Variants in EXOSC9 observed in about 807,000 individuals in gnomAD.
The protein encoded by EXOSC9 is exosome component 9.
In EXOSC9, 38 loss-of-function variants were observed where a neutral mutation model predicts 56.5. That is an observed-to-expected ratio of 0.67 (90% CI 0.52 to 0.88). EXOSC9 has a LOEUF of 0.88. Ranked by LOEUF, EXOSC9 falls within the 40% of genes least tolerant of loss-of-function variation. The probability of loss-of-function intolerance (pLI) is 0.00; values close to 1 mark genes in which losing one functional copy is unlikely to be tolerated. For missense variants in EXOSC9, 559 were observed against 530.5 expected (o/e 1.05, Z -0.53); for synonymous variants, 170 against 170.8 (o/e 0.99, Z 0.04).
In EXOSC9 at chr4:121,814,019, A is replaced by T. The variant is rs1207662546; in HGVS notation, c.1128A>T (p.Gly376=). 2.5e-6 allele frequency: 4 copies of T among 1,613,436 alleles called. No homozygotes were observed. Among genetic ancestry groups the T allele is most frequent in the Non-Finnish European group, 3.4e-6 (4 of 1,179,694 alleles). ...TTGATGGTATAAAAATGGACACTGGAGTAGAAGTCTCTGATATTGGAAGCC... is the reference window on the plus strand; with the variant it reads ...TTGATGGTATAAAAATGGACACTGGTGTAGAAGTCTCTGATATTGGAAGCC... The part of the protein sequence containing the change: ...IILDGIKMDT[G]VEVSDIGSQD... Residue 376 remains glycine, a synonymous_variant, in exon 10 of 12, where the codon GGA becomes GGT. Coordinates refer to ENST00000243498, the MANE Select transcript of EXOSC9 (RefSeq NM_005033.3).
intron 1 of EXOSC9, 113 bp downstream of exon 1, chr4:121,801,603 G>A: frequency 1.0e-6 from 1 of 995,162 alleles, no homozygotes; most frequent in Non-Finnish European, 1.6e-6. Flanking sequence ...CGACCGGCAC[G>A]TTCACCCCAT....
chr4:121,806,111 ACT>A (rs1438357289), intron 5 of EXOSC9, among the ~76,000 whole-genome samples: 4 of 149,654 alleles, frequency 2.7e-5, no homozygotes, highest in African/African-American at 9.8e-5. Flanking sequence ...AGCTGAAAAC[ACT>A]CTCTTATATG....
chr4:121,812,268 T>C (rs1727233756), intron 8 of EXOSC9, among the ~76,000 whole-genome samples: 1 of 152,184 alleles, frequency 6.6e-6, no homozygotes, highest in Admixed American at 6.5e-5. Context: ...GACTCCAAGA[T>C]ACAACACAGG....
rs1726902880 is a variant in EXOSC9 at position 121,802,706 on chromosome 4, C to T, written c.194C>T (p.Ser65Phe). ...GGACAGGTTTCCTGTGAACTTGTGT[C>T]TCCAAAACTCAATCGGGCAACAGAA... Reference protein sequence around the residue: ...VLGQVSCELVSPKLNRATEGI... With the variant: ...VLGQVSCELVFPKLNRATEGI... Residue 65 changes from serine to phenylalanine, a missense_variant, in exon 3 of 12, where the codon TCT (serine) becomes TTT (phenylalanine). Transcript: ENST00000243498. 1 of 1,614,076 alleles carries T rather than the reference C, an allele frequency of 6.2e-7. No homozygotes were observed. Among genetic ancestry groups the T allele is most frequent in the Non-Finnish European group, 8.5e-7 (1 of 1,179,956 alleles).
chr4:121,814,002 A>AT lies in EXOSC9; in HGVS notation c.1112dup (p.Met373AsnfsTer9). The AT allele has an allele frequency of 6.2e-7, 1 of 1,613,838 alleles. No individual in the cohort carries two copies. The highest frequency in any genetic ancestry group is 8.5e-7 in the Non-Finnish European group (1 of 1,179,854). On this transcript the variant is annotated frameshift_variant, in exon 10 of 12. Transcript: ENST00000243498. LOFTEE classifies it high-confidence loss of function. The stretch of plus-strand genomic sequence containing the variant: ...TGATCAAGCTATCATTCTTGATGGT[A>AT]TAAAAATGGACACTGGAGTAGAAGT...
chr4:121,802,594 T>C (rs1454268342), intron 2 of EXOSC9, 80 bp from the exon 3 acceptor site: 1 of 1,406,150 alleles, frequency 7.1e-7, no homozygotes. Context: ...ACATTAAGAT[T>C]GAAACTTGTT....
intron 8 of EXOSC9, among the ~76,000 whole-genome samples, chr4:121,812,725 A>G (rs1293099153): frequency 1.3e-5 from 2 of 152,218 alleles, no homozygotes; most frequent in Non-Finnish European, 2.9e-5. Flanking sequence ...TCCTGACCTC[A>G]GGTGATCCAC....
Position 121,816,457 on chromosome 4 carries a change from T to C in EXOSC9, c.1235+10T>C. 1 of 1,524,706 alleles carries C rather than the reference T, an allele frequency of 6.6e-7. No homozygotes were observed. 94.4% of individuals were successfully genotyped at this position (1,524,706 alleles called of 1,614,324 possible). A position where few individuals can be genotyped will look rare whatever the true frequency, so the allele number is the denominator to read the frequency against. The stretch of plus-strand genomic sequence containing the variant: ...ATCCAAAGAAAATAAGGTAACAAAT[T>C]TCTGGTTTATTTCAAATGTATACAT... On this transcript the variant is annotated intron_variant, in intron 11 of 11. Coordinates refer to ENST00000243498, the MANE Select transcript of EXOSC9 (RefSeq NM_005033.3).
chr4:121,802,571 TATG>T (rs1726898956), intron 2 of EXOSC9, 100 bp from the exon 3 acceptor site: 8 of 1,052,936 alleles, frequency 7.6e-6, no homozygotes, highest in African/African-American at 4.8e-5. Flanking sequence ...TTTGGCTGAG[TATG>T]ATATTACTCA....
chr4:121,813,041 A>G (rs1578505657), intron 8 of EXOSC9, among the ~76,000 whole-genome samples, 193 bp from the exon 9 acceptor site: 1 of 152,232 alleles, frequency 6.6e-6, no homozygotes, highest in Non-Finnish European at 1.5e-5. Context: ...ACGTGGTTTA[A>G]TAAATGATTA....
Position 121,816,797 on chromosome 4 carries a change from G to C in EXOSC9, c.1261G>C (p.Glu421Gln). 2 of 1,600,404 alleles carry C rather than the reference G, an allele frequency of 1.2e-6. No individual in the cohort carries two copies. Among genetic ancestry groups the C allele is most frequent in the South Asian group, 2.3e-5 (2 of 88,818 alleles). ...AACACAGACCACCAGTGCAAAACAA[G>C]AAAAAGCACCAAGTAAAAAGCCAGT... is the stretch of plus-strand genomic sequence containing the variant. ...IRTQTTSAKQ[E>Q]KAPSKKPVKR... Residue 421 changes from glutamate (E) to glutamine (Q), a missense_variant, in exon 12 of 12, where the codon GAA (glutamate) becomes CAA (glutamine). Physicochemically the swap from Glu to Gln is conservative, Grantham distance 29. Transcript: ENST00000243498.
intron 2 of EXOSC9, 39 bp downstream of exon 2, chr4:121,801,960 A>G (rs1726881694): frequency 7.0e-7 from 1 of 1,422,598 alleles, no homozygotes; most frequent in Non-Finnish European, 9.9e-7. Flanking sequence ...CGGAAGGGAG[A>G]AGTTTGAAAA....
intron 7 of EXOSC9, among the ~76,000 whole-genome samples, chr4:121,811,374 G>A (rs894516345): frequency 7.2e-5 from 11 of 152,206 alleles, no homozygotes; most frequent in Non-Finnish European, 1.2e-4. Flanking sequence ...GTATAAGAAA[G>A]TTTTTATGTC....
At chr4:121,802,613 C>A in intron 2 of EXOSC9, 61 bp from the exon 3 acceptor site, 1 of 1,543,862 alleles carries the variant, frequency 6.5e-7, no homozygotes, top group Non-Finnish European at 8.8e-7. Context: ...TTATCTGTTT[C>A]AGTTTTTTGT....
chr4:121,802,515 CTG>C (rs1471906771), intron 2 of EXOSC9, among the ~76,000 whole-genome samples, 157 bp from the exon 3 acceptor site: 1 of 152,056 alleles, frequency 6.6e-6, no homozygotes, highest in African/African-American at 2.4e-5. Context: ...TGTTTTATTT[CTG>C]TGTATATTAT....
At chr4:121,803,317 A>G (rs895978201) in intron 4 of EXOSC9, among the ~76,000 whole-genome samples, 1 of 152,070 alleles carries the variant, frequency 6.6e-6, no homozygotes, top group African/African-American at 2.4e-5. Context: ...ATTTTATTCA[A>G]AGAACTTGTG....
rs1481771523 is a variant in EXOSC9 at position 121,816,709 on chromosome 4, C to CTTAT, written c.1236-60_1236-57dup. ...CCTACTGGAAAACTAAGAAATGCCTCTTATTTCAATAATCCAAAACTTAAC... is the reference window on the plus strand; with the variant it reads ...CCTACTGGAAAACTAAGAAATGCCTCTTATTTATTTCAATAATCCAAAACTTAAC... On this transcript the variant is annotated intron_variant, in intron 11 of 11. Coordinates refer to ENST00000243498, the MANE Select transcript of EXOSC9 (RefSeq NM_005033.3). 3 of 1,472,840 alleles carry CTTAT rather than the reference C, an allele frequency of 2.0e-6. No individual in the cohort carries two copies. In the African/African-American group the frequency reaches 4.3e-5, roughly 21 times the overall value. 91.2% of individuals were successfully genotyped at this position (1,472,840 alleles called of 1,614,324 possible). A position where few individuals can be genotyped will look rare whatever the true frequency, so the allele number is the denominator to read the frequency against.
Position 121,801,855 on chromosome 4 carries a change from A to T in EXOSC9, c.95A>T (p.Tyr32Phe), listed in dbSNP as rs1282940428. The T allele has an allele frequency of 6.2e-7, 1 of 1,613,988 alleles. No homozygotes were observed. Among genetic ancestry groups the T allele is most frequent in the Non-Finnish European group, 8.5e-7 (1 of 1,179,824 alleles). The stretch of plus-strand genomic sequence containing the variant: ...CTGGATGGCAGACAAACCTATGATT[A>T]TAGGAACATCAGGATCTCATTTGGA... ...KRLDGRQTYD[Y>F]RNIRISFGTD... Residue 32 changes from tyrosine (Y) to phenylalanine (F), a missense_variant, in exon 2 of 12, where the codon TAT becomes TTT. Physicochemically the swap from Tyr to Phe is conservative, Grantham distance 22 (BLOSUM62 3). Coordinates refer to ENST00000243498, the MANE Select transcript of EXOSC9 (RefSeq NM_005033.3).
intron 11 of EXOSC9, 64 bp downstream of exon 11, chr4:121,816,511 C>G (rs918393774): frequency 3.7e-6 from 4 of 1,080,614 alleles, no homozygotes; most frequent in Non-Finnish European, 4.1e-6. Flanking sequence ...GGTTTGCTCT[C>G]TGGTTTTACT....
Sources: gnomAD v4.1 joint callset for allele counts (sites outside exome capture counted in the v4.1 genomes callset) on GRCh38, gnomAD v4.1.1 for gene constraint, MANE v1.5 for transcripts, NCBI Gene and HGNC (gene_info 2026-07-23, HGNC 2026-07-21) for gene names.